Variants in GLA observed in about 807,000 individuals in gnomAD.
The protein encoded by GLA is alpha-galactosidase A.
A neutral mutation model predicts 28.2 loss-of-function variants in GLA; 4 were observed. The observed-to-expected ratio is 0.14, with a 90% CI of 0.07 to 0.32. The LOEUF is 0.32. GLA is among the 10% of genes least tolerant of loss of function. GLA has a pLI of 1.00. For synonymous variants in GLA, 94 were observed against 113.0 expected (o/e 0.83, Z 1.07); for missense variants, 203 against 323.7 (o/e 0.63, Z 2.86).
At chrX:101,403,428 T>C (rs781989892) in intron 2 of GLA, among the ~76,000 whole-genome samples, 5 of 108,918 alleles carry the variant, frequency 4.6e-5, no homozygotes, top group Non-Finnish European at 7.6e-5. Context: ...TTTCTTTTTT[T>C]CCTTGTTTTT....
chrX:101,399,549 G>T (rs1928223778), intron 4 of GLA, among the ~76,000 whole-genome samples: 1 of 111,524 alleles, frequency 9.0e-6, no homozygotes, highest in African/African-American at 3.3e-5. Context: ...GGGTGACAGT[G>T]AGACTCTGTC....
chrX:101,404,341 G>C (rs1326371394), intron 1 of GLA, among the ~76,000 whole-genome samples: 1 of 111,258 alleles, frequency 9.0e-6, no homozygotes, highest in Admixed American at 9.6e-5. Flanking sequence ...CCATTCACAA[G>C]AACAACTGAA....
Position 101,398,450 on chromosome X carries a change from C to T in GLA, c.919G>A (p.Ala307Thr). 1.7e-6 allele frequency: 2 copies of T among 1,208,845 alleles called. No individual in the cohort carries two copies. The highest frequency in any genetic ancestry group is 2.2e-6 in the Non-Finnish European group (2 of 892,987). ...TCCTTATCCTGAAGGAGAGCTTTGG[C>T]TTGAGGGCTGATGTGTCGGAGGTCA... is the stretch of plus-strand genomic sequence containing the variant. Reference protein sequence around the residue: ...SNDLRHISPQAKALLQDKDVI... With the variant: ...SNDLRHISPQTKALLQDKDVI... The change falls in exon 6 of 7, where the codon GCC (alanine) becomes ACC (threonine). Residue 307 changes from alanine to threonine, a missense_variant. Ala to Thr is a moderately conservative substitution (Grantham distance 58). This residue lies in a region of GLA where 162 missense variants were observed against 246.8 expected (regional missense o/e 0.66). Coordinates refer to ENST00000218516, the MANE Select transcript of GLA (RefSeq NM_000169.3).
At chrX:101,404,670 A>G (rs1333451336) in intron 1 of GLA, among the ~76,000 whole-genome samples, 3 of 104,811 alleles carry the variant, frequency 2.9e-5, no homozygotes, top group Non-Finnish European at 5.8e-5. Context: ...CCCCGGTTCA[A>G]GCGATTCTTC....
intron 3 of GLA, 160 bp from the exon 4 acceptor site, chrX:101,400,917 CCT>C (rs1459228098): frequency 6.3e-6 from 2 of 315,659 alleles, no homozygotes; most frequent in East Asian, 5.3e-5. Context: ...CTCACTGCAA[CCT>C]CTGTTTCCCA....
intron 4 of GLA, among the ~76,000 whole-genome samples, chrX:101,400,004 G>C (rs1252458426): frequency 9.0e-6 from 1 of 111,215 alleles, no homozygotes; most frequent in Non-Finnish European, 1.9e-5. Flanking sequence ...GCAGCAATAG[G>C]CTTGCAGTGT....
chrX:101,407,545 C>T (rs782740377), intron 1 of GLA, among the ~76,000 whole-genome samples, 165 bp downstream of exon 1: 1 of 111,656 alleles, frequency 9.0e-6, no homozygotes, highest in Non-Finnish European at 1.9e-5. Context: ...AAGTTTAGGG[C>T]TAGTCCTGAT....
At chrX:101,405,421 T>C (rs1928471759) in intron 1 of GLA, among the ~76,000 whole-genome samples, 1 of 111,220 alleles carries the variant, frequency 9.0e-6, no homozygotes, top group Non-Finnish European at 1.9e-5. Flanking sequence ...AAAGTTCAGA[T>C]GGACTAAAGA....
At chrX:101,405,131 G>A (rs910539000) in intron 1 of GLA, among the ~76,000 whole-genome samples, 1 of 106,822 alleles carries the variant, frequency 9.4e-6, no homozygotes, top group Non-Finnish European at 1.9e-5. Flanking sequence ...AGCTACTCGC[G>A]AGGATGAGGC....
At position 101,403,979 on chromosome X, in the gene GLA, C is replaced by A; in HGVS notation, c.201G>T (p.Lys67Asn). The change falls in exon 2 of 7, where the codon AAG becomes AAT. Residue 67 changes from lysine to asparagine, a missense_variant. Lys to Asn is a moderately conservative substitution (Grantham distance 94). This residue lies in a region of GLA where 11 missense variants were observed against 44.6 expected (regional missense o/e 0.25). Coordinates refer to ENST00000218516, the MANE Select transcript of GLA (RefSeq NM_000169.3). ...TGAGCTCTGCCATCTCCATGAAGAG[C>A]TTCTCACTGAAAGAGAAATTCCAAT... is the stretch of plus-strand genomic sequence containing the variant. ...QEEPDSCISEKLFMEMAELMV... is the reference protein window; with the variant it reads ...QEEPDSCISENLFMEMAELMV... The A allele has an allele frequency of 8.3e-7, 1 of 1,206,844 alleles. No individual in the cohort carries two copies. The highest frequency in any genetic ancestry group is 3.0e-5 in the East Asian group (1 of 33,849).
At position 101,407,798 on chromosome X, in the gene GLA, A is replaced by C; in HGVS notation, c.106T>G (p.Leu36Val). The change falls in exon 1 of 7, where the codon TTG becomes GTG. Residue 36 changes from leucine (L) to valine (V), a missense_variant. By Grantham distance (32) the Leu-to-Val change is conservative. Transcript: ENST00000218516. ...IPGARALDNG[L>V]ARTPTMGWLH... ...CAGCCCATGGTAGGCGTCCTTGCCAATCCATTGTCCAGTGCTCTAGCCCCA... is the reference window on the plus strand; with the variant it reads ...CAGCCCATGGTAGGCGTCCTTGCCACTCCATTGTCCAGTGCTCTAGCCCCA... 8.3e-7 allele frequency: 1 copy of C among 1,211,113 alleles called. No homozygotes were observed.
intron 1 of GLA, among the ~76,000 whole-genome samples, chrX:101,405,236 CAAA>C (rs11448515): frequency 2.8e-5 from 1 of 35,567 alleles, no homozygotes; most frequent in African/African-American, 8.6e-5. Context: ...AACTCCAGCT[CAAA>C]AAAAAAAAAA....
At chrX:101,399,200 G>C (rs368862010) in intron 4 of GLA, among the ~76,000 whole-genome samples, 1 of 112,452 alleles carries the variant, frequency 8.9e-6, no homozygotes, top group African/African-American at 3.2e-5. Context: ...ATTAAAAGCT[G>C]CAAAATTACA....
intron 1 of GLA, among the ~76,000 whole-genome samples, chrX:101,404,228 G>A (rs1243664085): frequency 8.9e-6 from 1 of 112,051 alleles, no homozygotes; most frequent in Non-Finnish European, 1.9e-5. Flanking sequence ...TGATGAAATT[G>A]AAAAGAGTAT....
chrX:101,399,482 T>G (rs1555985286), intron 4 of GLA, among the ~76,000 whole-genome samples: 2 of 112,197 alleles, frequency 1.8e-5, no homozygotes, highest in Non-Finnish European at 3.8e-5. Flanking sequence ...GAGAATCGCT[T>G]AAACCCGGGA....
At chrX:101,404,072 A>G in intron 1 of GLA, 87 bp from the exon 2 acceptor site, 1 of 839,074 alleles carries the variant, frequency 1.2e-6, no homozygotes, top group Non-Finnish European at 1.8e-6. Context: ...GGATTTCACA[A>G]TTTTTTCCAA....
chrX:101,400,515 G>T, intron 4 of GLA, 151 bp downstream of exon 4: 1 of 498,141 alleles, frequency 2.0e-6, no homozygotes. Context: ...TATAATTACA[G>T]CAGTGGGGAT....
rs1555984805 is a variant in GLA, at chrX:101,397,989, A to G, written c.1110T>C (p.Ala370=). ...GGPRSYTIAV[A]SLGKGVACNP... is the part of the protein sequence containing the mutation. ...TACAGGCCACTCCTTTACCCAGGGA[A>G]GCAACTGCGATGGTATAAGAGCGAG... is the stretch of plus-strand genomic sequence containing the variant. The change falls in exon 7 of 7, where the codon GCT becomes GCC. Residue 370 remains alanine (A), a synonymous_variant. Coordinates refer to ENST00000218516, the MANE Select transcript of GLA (RefSeq NM_000169.3). 8.3e-7 allele frequency: 1 copy of G among 1,209,965 alleles called. No homozygotes were observed. Among genetic ancestry groups the G allele is most frequent in the Admixed American group, 2.2e-5 (1 of 46,007 alleles).
rs869312304 is a variant in GLA, at chrX:101,407,860, G to A, written c.44C>T (p.Ala15Val). ...GGAAACGAGGGCCAGGAAGCGAAGC[G>A]CAAGCGCGCAGCCCAGATGTAGTTC... ...NPELHLGCAL[A>V]LRFLALVSWD... The change falls in exon 1 of 7, where the codon GCG becomes GTG. Residue 15 changes from alanine to valine, a missense_variant. This residue lies in a region of GLA where 30 missense variants were observed against 32.2 expected (regional missense o/e 0.93). Coordinates refer to ENST00000218516, the MANE Select transcript of GLA (RefSeq NM_000169.3). 3.3e-6 allele frequency: 4 copies of A among 1,209,976 alleles called. No individual in the cohort carries two copies. The African/African-American group carries it at 7.0e-5, about 21-fold the overall frequency.
Sources: gnomAD v4.1 joint callset for allele counts (sites outside exome capture counted in the v4.1 genomes callset) on GRCh38, gnomAD v4.1.1 for gene constraint, gnomAD v4.1.1 regional missense constraint, MANE v1.5 for transcripts, NCBI Gene and HGNC (gene_info 2026-07-23, HGNC 2026-07-21) for gene names.